The following AGBL1 variants were observed in gnomAD, a reference collection of about 807,000 sequenced individuals.
AGBL1 encodes AGBL carboxypeptidase 1.
In AGBL1, 130 loss-of-function variants were observed where a neutral mutation model predicts 118.9. That is an observed-to-expected ratio of 1.09 (90% CI 0.95 to 1.26). AGBL1 has a LOEUF of 1.26. AGBL1 is among the 50% of genes most tolerant of loss of function. The pLI is 0.00. For missense variants in AGBL1, 1,584 were observed against 1,298.1 expected (o/e 1.22, Z -3.38); for synonymous variants, 555 against 478.9 (o/e 1.16, Z -2.08).
At chr15:86,400,365 G>T (rs1050316064) in intron 18 of AGBL1, among the ~76,000 whole-genome samples, 6 of 151,772 alleles carry the variant, frequency 4.0e-5, no homozygotes, top group Non-Finnish European at 5.9e-5. Flanking sequence ...TGTGTATATG[G>T]TATTTTTTTC....
intron 9 of AGBL1, among the ~76,000 whole-genome samples, chr15:86,261,494 C>T (rs1231263553): frequency 6.6e-6 from 1 of 152,186 alleles, no homozygotes; most frequent in Non-Finnish European, 1.5e-5. Context: ...TGGAACATTG[C>T]ATTTTTTTGC....
chr15:86,260,240 A>G (rs527255150), intron 9 of AGBL1, among the ~76,000 whole-genome samples: 1 of 152,342 alleles, frequency 6.6e-6, no homozygotes, highest in Non-Finnish European at 1.5e-5. Flanking sequence ...AGTCAGGCAT[A>G]TTTTATTTCT....
At chr15:86,210,386 C>T (rs2078071530) in intron 5 of AGBL1, among the ~76,000 whole-genome samples, 1 of 152,166 alleles carries the variant, frequency 6.6e-6, no homozygotes, top group Non-Finnish European at 1.5e-5. Context: ...GGGAAATTCT[C>T]CTGGATAATA....
intron 21 of AGBL1, among the ~76,000 whole-genome samples, chr15:86,632,138 C>T (rs2084981636): frequency 6.6e-6 from 1 of 151,218 alleles, no homozygotes; most frequent in Non-Finnish European, 1.5e-5. Context: ...TGTGGTGGCT[C>T]ACATTTGTAG....
intron 22 of AGBL1, among the ~76,000 whole-genome samples, chr15:86,775,825 A>C (rs774179635): frequency 3.9e-5 from 6 of 152,158 alleles, no homozygotes; most frequent in African/African-American, 1.4e-4. Context: ...ACAGACACCT[A>C]TGTACTCAGC....
At chr15:86,463,810 C>T (rs1449935887) in intron 18 of AGBL1, among the ~76,000 whole-genome samples, 2 of 152,046 alleles carry the variant, frequency 1.3e-5, no homozygotes, top group Non-Finnish European at 2.9e-5. Flanking sequence ...TATCTGTTTT[C>T]ATACCAGTTC....
intron 20 of AGBL1, among the ~76,000 whole-genome samples, chr15:86,549,449 C>G (rs1400468866): frequency 6.6e-6 from 1 of 152,032 alleles, no homozygotes. Flanking sequence ...GTAGAGACAT[C>G]AGTGGCACAC....
intron 21 of AGBL1, among the ~76,000 whole-genome samples, chr15:86,629,839 A>T (rs1443507684): frequency 6.6e-6 from 1 of 152,248 alleles, no homozygotes; most frequent in African/African-American, 2.4e-5. Context: ...CATTGCTAAA[A>T]GGAAAAAAAG....
chr15:86,548,663 G>GCACGCACACACACA (rs1555424781), intron 20 of AGBL1, among the ~76,000 whole-genome samples: 3 of 142,798 alleles, frequency 2.1e-5, no homozygotes, highest in South Asian at 2.3e-4. Context: ...ACACATGCAC[G>GCACGCACACACACA]CACACACACA....
At chr15:86,158,848 A>ATG in intron 4 of AGBL1, 85 bp from the exon 5 acceptor site, 1 of 1,163,106 alleles carries the variant, frequency 8.6e-7, no homozygotes, top group Non-Finnish European at 1.2e-6. Context: ...TTGCCCCTTA[A>ATG]AGATTTAAAG....
chr15:86,869,120 C>G (rs992115663), intron 22 of AGBL1, among the ~76,000 whole-genome samples: 8 of 152,226 alleles, frequency 5.3e-5, no homozygotes, highest in African/African-American at 1.9e-4. Context: ...AGACTAAACT[C>G]TATGAAACTG....
intron 24 of AGBL1, among the ~76,000 whole-genome samples, chr15:87,007,240 A>G (rs760557965): frequency 2.5e-4 from 38 of 151,986 alleles, no homozygotes; most frequent in African/African-American, 8.9e-4. Flanking sequence ...CGCTAGCTGT[A>G]TATATATATA....
chr15:86,776,770 G>A (rs1313585346), intron 22 of AGBL1, among the ~76,000 whole-genome samples: 4 of 150,680 alleles, frequency 2.7e-5, no homozygotes, highest in African/African-American at 7.3e-5. Flanking sequence ...GTGTGTGTGT[G>A]TGTGTGTGTG....
At chr15:86,329,993 C>T (rs754447831) in intron 17 of AGBL1, among the ~76,000 whole-genome samples, 8 of 152,224 alleles carry the variant, frequency 5.3e-5, no homozygotes, top group Non-Finnish European at 8.8e-5. Flanking sequence ...AGGAGGTTTT[C>T]CAGATTCAGA....
intron 17 of AGBL1, among the ~76,000 whole-genome samples, chr15:86,317,567 T>C (rs2080034618): frequency 6.6e-6 from 1 of 152,158 alleles, no homozygotes; most frequent in Non-Finnish European, 1.5e-5. Context: ...AAATAAAACT[T>C]TGAGAGGCGA....
intron 16 of AGBL1, among the ~76,000 whole-genome samples, chr15:86,290,210 T>A (rs2079521663): frequency 6.6e-6 from 1 of 152,162 alleles, no homozygotes; most frequent in Admixed American, 6.5e-5. Flanking sequence ...TTTATATTAA[T>A]ATAGTAACCA....
chr15:86,772,887 C>A (rs939307280), intron 22 of AGBL1, among the ~76,000 whole-genome samples: 2 of 151,960 alleles, frequency 1.3e-5, no homozygotes, highest in African/African-American at 4.8e-5. Context: ...CAGCAAAAGC[C>A]AGAGGGAATG....
At chr15:86,618,546 A>G (rs145053289) in intron 21 of AGBL1, among the ~76,000 whole-genome samples, 1 of 152,334 alleles carries the variant, frequency 6.6e-6, no homozygotes, top group African/African-American at 2.4e-5. Context: ...GGCCTAGGGA[A>G]TCTGCATTTA....
At chr15:86,802,811 T>G (rs1297602724) in intron 22 of AGBL1, among the ~76,000 whole-genome samples, 1 of 152,148 alleles carries the variant, frequency 6.6e-6, no homozygotes, top group Non-Finnish European at 1.5e-5. Context: ...TGAACCTCAG[T>G]CATCCACTAA....
Sources: allele counts gnomAD v4.1 joint callset (sites outside exome capture counted in the v4.1 genomes callset), GRCh38; gene constraint gnomAD v4.1.1; transcripts MANE v1.5; gene names NCBI Gene and HGNC (gene_info 2026-07-23, HGNC 2026-07-21).